GCC2: variants seen among roughly 807,000 people sequenced by gnomAD.
GCC2 encodes GRIP and coiled-coil domain containing 2, also known as GRIP and coiled-coil domain-containing protein 2.
Under a neutral mutation model 210.6 loss-of-function variants are expected in GCC2, and 120 were observed. The observed-to-expected ratio is 0.57, with a 90% CI of 0.49 to 0.66. GCC2 has a LOEUF of 0.66. Among genes scored for constraint, GCC2 ranks in the 30% least tolerant of loss-of-function variants. GCC2 has a pLI of 0.00. For missense variants in GCC2, 1,868 were observed against 1,871.9 expected, an observed-to-expected ratio of 1.00 and a Z score of 0.04; for synonymous variants, 703 against 652.7, an observed-to-expected ratio of 1.08 and a Z score of -1.17.
chr2:108,507,273 G>T (rs1683238185), intron 22 of GCC2, among the ~76,000 whole-genome samples: 1 of 151,940 alleles, frequency 6.6e-6, no homozygotes, highest in East Asian at 1.9e-4. Context: ...CACACCTTGT[G>T]GTCCCAGTTG....
At chr2:108,501,019 A>G (rs185747070) in intron 22 of GCC2, among the ~76,000 whole-genome samples, 2,119 of 152,144 alleles carry the variant, frequency 0.014, 28 homozygotes, top group Middle Eastern at 0.031. Flanking sequence ...TGTTTGAGAC[A>G]TAGTGTTGCT....
intron 21 of GCC2, among the ~76,000 whole-genome samples, chr2:108,498,051 C>T (rs1484187626): frequency 6.6e-6 from 1 of 152,028 alleles, no homozygotes; most frequent in East Asian, 1.9e-4. Flanking sequence ...TATATCATGA[C>T]ATTCCACCAT....
At position 108,492,396 on chromosome 2, in the gene GCC2, T is replaced by C. The variant is rs144911529; in HGVS notation, c.4230-177T>C. Among the ~76,000 whole-genome samples, 353 of 152,320 alleles carry C rather than the reference T, an allele frequency of 2.3e-3. 1 individual carries two copies. Among genetic ancestry groups the C allele is most frequent in the African/African-American group, 8.1e-3 (338 of 41,578 alleles). On this transcript the variant is annotated intron_variant, in intron 18 of 22. Coordinates refer to ENST00000309863, the MANE Select transcript of GCC2 (RefSeq NM_181453.4). ...ATTATTTGAACTAGATGACAGCCAG[T>C]GTCAGTTCTCATCAAGTTATTTCAC...
At chr2:108,452,109 A>G (rs886074780) in intron 3 of GCC2, among the ~76,000 whole-genome samples, 3 of 152,176 alleles carry the variant, frequency 2.0e-5, no homozygotes, top group Non-Finnish European at 4.4e-5. Context: ...AAGGTTATAC[A>G]GTAAGATGTA....
At chr2:108,489,169 A>G (rs1682284192) in intron 17 of GCC2, among the ~76,000 whole-genome samples, 1 of 152,220 alleles carries the variant, frequency 6.6e-6, no homozygotes, top group South Asian at 2.1e-4. Flanking sequence ...TTCAGGGATT[A>G]TCTTTCACTG....
At chr2:108,449,851 T>TC (rs1157937124) in intron 2 of GCC2, 162 bp downstream of exon 2, 1 of 599,242 alleles carries the variant, frequency 1.7e-6, no homozygotes, top group South Asian at 2.0e-5. Context: ...TTCCTGTTTC[T>TC]CCCCCGCCCA....
At chr2:108,491,562 G>A (rs1447661497) in intron 18 of GCC2, among the ~76,000 whole-genome samples, 1 of 152,082 alleles carries the variant, frequency 6.6e-6, no homozygotes, top group East Asian at 1.9e-4. Flanking sequence ...CTTGTATGGT[G>A]CGCATGTGTG....
intron 4 of GCC2, among the ~76,000 whole-genome samples, chr2:108,463,153 T>C (rs1386923046): frequency 6.6e-6 from 1 of 152,140 alleles, no homozygotes; most frequent in Non-Finnish European, 1.5e-5. Flanking sequence ...CTCACTGAGC[T>C]CCTTTAGTAT....
At chr2:108,455,409 A>T (rs541658400) in intron 4 of GCC2, among the ~76,000 whole-genome samples, 37 of 152,290 alleles carry the variant, frequency 2.4e-4, no homozygotes, top group African/African-American at 7.9e-4. Flanking sequence ...ACTGCACTAC[A>T]GCCTGAGCAA....
chr2:108,498,386 T>C (rs1444483483), intron 21 of GCC2, among the ~76,000 whole-genome samples: 1 of 151,562 alleles, frequency 6.6e-6, no homozygotes, highest in African/African-American at 2.4e-5. Flanking sequence ...ACTAGAGGCA[T>C]GGTTTCACCA....
Position 108,481,832 on chromosome 2 carries a change from A to G in GCC2, c.3180+16A>G, listed in dbSNP as rs1377725543. Reference sequence around the variant, plus strand: ...GACTTTGCAGGTAATTTTTTAATAAATCCAAAAATGAAAACTATAACAGGT... The same window carrying G: ...GACTTTGCAGGTAATTTTTTAATAAGTCCAAAAATGAAAACTATAACAGGT... On this transcript the variant is annotated intron_variant, in intron 10 of 22. Transcript: ENST00000309863. The G allele has an allele frequency of 2.0e-6, 3 of 1,531,154 alleles. No individual in the cohort carries two copies. The highest frequency in any genetic ancestry group is 1.4e-5 in the African/African-American group (1 of 71,500). The allele number at this position is 1,531,154 out of a possible 1,614,324, so 94.8% of individuals were successfully genotyped here.
At chr2:108,465,438 G>A (rs1680829384) in intron 4 of GCC2, among the ~76,000 whole-genome samples, 1 of 152,134 alleles carries the variant, frequency 6.6e-6, no homozygotes, top group Admixed American at 6.5e-5. Flanking sequence ...TGAGACTTTA[G>A]TGCACCCATC....
chr2:108,489,050 C>T (rs1007992907), intron 17 of GCC2, among the ~76,000 whole-genome samples: 60 of 152,204 alleles, frequency 3.9e-4, no homozygotes, highest in African/African-American at 1.3e-3. Context: ...AATATAAATA[C>T]GTTTTTTAAA....
Position 108,471,811 on chromosome 2 carries a change from G to A in GCC2, c.2482G>A (p.Glu828Lys). The A allele has an allele frequency of 6.2e-7, 1 of 1,613,420 alleles. No individual in the cohort carries two copies. Among genetic ancestry groups the A allele is most frequent in the Non-Finnish European group, 8.5e-7 (1 of 1,179,514 alleles). Residue 828 changes from glutamate (E) to lysine (K), a missense_variant, in exon 6 of 23, where the codon GAA becomes AAA. This residue lies in a region of GCC2 where 1,847 missense variants were observed against 1,765.2 expected (regional missense o/e 1.05). Coordinates refer to ENST00000309863, the MANE Select transcript of GCC2 (RefSeq NM_181453.4). ...AGAAGAGAGTGTAGTTCAGTGTGAA[G>A]AACTTAAGTCTTTATTGAGAGACTA... ...LQEESVVQCEELKSLLRDYEQ... is the reference protein window; with the variant it reads ...LQEESVVQCEKLKSLLRDYEQ...
intron 21 of GCC2, among the ~76,000 whole-genome samples, chr2:108,498,371 A>G (rs1301175500): frequency 6.7e-6 from 1 of 149,948 alleles, no homozygotes; most frequent in African/African-American, 2.4e-5. Context: ...AATTTTTTTT[A>G]TTTTACTAGA....
Position 108,507,845 on chromosome 2 carries a change from A to G in GCC2, c.*215A>G, listed in dbSNP as rs1403634202. On this transcript the variant is annotated 3_prime_UTR_variant, in exon 23 of 23. Transcript: ENST00000309863. ...ATAGCAGGCCACAGCCCTCTAACTC[A>G]TGTGATTTCCCATGCATGCTGCCAG... The G allele has an allele frequency of 3.4e-5, 14 of 414,662 alleles. No individual in the cohort carries two copies. The highest frequency in any genetic ancestry group is 2.7e-4 in the South Asian group (9 of 33,678). 25.7% of individuals were successfully genotyped at this position (414,662 alleles called of 1,614,324 possible). A position where few individuals can be genotyped will look rare whatever the true frequency, so the allele number is the denominator to read the frequency against.
chr2:108,459,405 T>A (rs1470127174), intron 4 of GCC2, among the ~76,000 whole-genome samples: 1 of 152,236 alleles, frequency 6.6e-6, no homozygotes, highest in Non-Finnish European at 1.5e-5. Flanking sequence ...TAACATATGG[T>A]CTTTTCTGAA....
intron 4 of GCC2, among the ~76,000 whole-genome samples, chr2:108,467,886 C>T (rs1483414321): frequency 6.6e-6 from 1 of 152,048 alleles, no homozygotes; most frequent in East Asian, 1.9e-4. Flanking sequence ...ACCTTAAAAA[C>T]CATCTATTCC....
At chr2:108,494,053 C>G (rs2104501106) in intron 19 of GCC2, 2 of 565,670 alleles carry the variant, frequency 3.5e-6, no homozygotes, top group Middle Eastern at 1.8e-3. Flanking sequence ...AGTCAATAAA[C>G]CAATACATGT....
Sources: allele counts gnomAD v4.1 joint callset (sites outside exome capture counted in the v4.1 genomes callset), GRCh38; gene constraint gnomAD v4.1.1; regional missense constraint gnomAD v4.1.1; transcripts MANE v1.5; gene names NCBI Gene and HGNC (gene_info 2026-07-23, HGNC 2026-07-21).